The following TRIM67 variants were observed in gnomAD, a reference collection of about 807,000 sequenced individuals.
TRIM67 encodes tripartite motif containing 67, also known as tripartite motif-containing protein 67.
Under a neutral mutation model 71.0 loss-of-function variants are expected in TRIM67, and 39 were observed. The ratio of observed to expected loss-of-function variants is 0.55; its 90% confidence interval spans 0.43 to 0.72. The LOEUF is 0.72. Ranked by LOEUF, TRIM67 falls within the 30% of genes least tolerant of loss-of-function variation. TRIM67 has a pLI of 0.00. For missense variants in TRIM67, 973 were observed against 1,079.2 expected (o/e 0.90, Z 1.38); for synonymous variants, 481 against 473.9 (o/e 1.01, Z -0.19).
chr1:231,188,975 G>A (rs1683160585), intron 1 of TRIM67, among the ~76,000 whole-genome samples: 1 of 152,144 alleles, frequency 6.6e-6, no homozygotes, highest in African/African-American at 2.4e-5. Flanking sequence ...TCAGCGGGTG[G>A]ATCTGTGTCT....
intron 4 of TRIM67, among the ~76,000 whole-genome samples, chr1:231,200,701 A>T (rs1032245309): frequency 6.6e-6 from 1 of 152,208 alleles, no homozygotes; most frequent in Non-Finnish European, 1.5e-5. Context: ...ACTCAGGGTC[A>T]TGAGTATCTC....
intron 1 of TRIM67, among the ~76,000 whole-genome samples, chr1:231,172,323 G>A (rs929325596): frequency 7.9e-5 from 12 of 152,330 alleles, no homozygotes; most frequent in Non-Finnish European, 1.8e-4. Context: ...CAACTGGAAT[G>A]GGGCAGCAGG....
In TRIM67 at chr1:231,186,373, A is replaced by T. The variant is rs150544914; in HGVS notation, c.1045-10998A>T. On this transcript the variant is annotated intron_variant, in intron 1 of 9. Transcript: ENST00000366653. Reference sequence around the variant, plus strand: ...TTTTAGTCCCTCTGTATTCTTTGCTAGGGTTGCCAGAGCAAAGTACCACAA... The same window carrying T: ...TTTTAGTCCCTCTGTATTCTTTGCTTGGGTTGCCAGAGCAAAGTACCACAA... Among the ~76,000 whole-genome samples, 122 of 152,292 alleles carry T rather than the reference A, an allele frequency of 8.0e-4. 1 individual carries two copies. The highest frequency in any genetic ancestry group is 2.6e-3 in the African/African-American group (109 of 41,572).
In TRIM67 at chr1:231,201,368, C is replaced by T; in HGVS notation, c.1385C>T (p.Ala462Val). 1.2e-6 allele frequency: 2 copies of T among 1,612,970 alleles called. No individual in the cohort carries two copies. Among genetic ancestry groups the T allele is most frequent in the Non-Finnish European group, 1.7e-6 (2 of 1,179,496 alleles). The stretch of plus-strand genomic sequence containing the variant: ...TTGCTCCCCTTTAAGATCTCAGATG[C>T]TCTGATCAAGCGCGTCCAGGTGTCT... ...DPSGFLQISDALIKRVQVSQE... is the reference protein window; with the variant it reads ...DPSGFLQISDVLIKRVQVSQE... The change falls in exon 5 of 10, where the codon GCT (alanine) becomes GTT (valine). Residue 462 changes from alanine to valine, a missense_variant. Ala to Val is a moderately conservative substitution (Grantham distance 64). Coordinates refer to ENST00000366653, the MANE Select transcript of TRIM67 (RefSeq NM_001004342.5).
Position 231,220,592 on chromosome 1 carries a change from A to T in TRIM67, c.*5152A>T, listed in dbSNP as rs771650421. ...GCACGAAGAGATGCAACTGAGCCGA[A>T]GTTTTGAAGGCTGGTTGGGCTAGTG... is the stretch of plus-strand genomic sequence containing the variant. On this transcript the variant is annotated 3_prime_UTR_variant, in exon 10 of 10. Coordinates refer to ENST00000366653, the MANE Select transcript of TRIM67 (RefSeq NM_001004342.5). 7 of 152,318 alleles carry T rather than the reference A, an allele frequency of 4.6e-5. No homozygotes were observed. Among genetic ancestry groups the T allele is most frequent in the Non-Finnish European group, 1.0e-4 (7 of 68,130 alleles). The allele number at this position is 152,318 out of a possible 1,614,324, so 9.4% of individuals were successfully genotyped here.
intron 1 of TRIM67, among the ~76,000 whole-genome samples, chr1:231,183,644 CT>C (rs373315685): frequency 1.1e-4 from 16 of 152,060 alleles, no homozygotes; most frequent in African/African-American, 3.6e-4. Flanking sequence ...AAAAATATTG[CT>C]TTTTTCTTGA....
chr1:231,203,742 C>A, intron 5 of TRIM67, 125 bp from the exon 6 acceptor site: 1 of 1,281,718 alleles, frequency 7.8e-7, no homozygotes, highest in Non-Finnish European at 1.1e-6. Context: ...TACAGGGTGG[C>A]CAGGGAGGGA....
intron 1 of TRIM67, among the ~76,000 whole-genome samples, chr1:231,196,117 G>C (rs1420330764): frequency 6.6e-6 from 1 of 152,172 alleles, no homozygotes; most frequent in Non-Finnish European, 1.5e-5. Flanking sequence ...GGTGACGACT[G>C]TTAGGAGGAA....
chr1:231,206,618 G>C (rs1215744537), intron 6 of TRIM67, 34 bp from the exon 7 acceptor site: 2 of 1,526,454 alleles, frequency 1.3e-6, no homozygotes, highest in Non-Finnish European at 1.8e-6. Context: ...CCAAATGCTA[G>C]AGGAGCCTGG....
intron 1 of TRIM67, 139 bp from the exon 2 acceptor site, chr1:231,197,232 G>A (rs1440506016): frequency 1.6e-6 from 1 of 640,562 alleles, no homozygotes; most frequent in Non-Finnish European, 2.7e-6. Context: ...GTCAGTGGTG[G>A]TCCCTTCATC....
At chr1:231,193,326 A>G (rs1188911456) in intron 1 of TRIM67, among the ~76,000 whole-genome samples, 1 of 152,192 alleles carries the variant, frequency 6.6e-6, no homozygotes, top group Non-Finnish European at 1.5e-5. Context: ...GGGAGGTGCT[A>G]TGAACTGAAT....
chr1:231,200,677 C>G (rs578020942), intron 4 of TRIM67, among the ~76,000 whole-genome samples: 49 of 152,298 alleles, frequency 3.2e-4, no homozygotes, highest in Admixed American at 5.9e-4. Context: ...GCCATCTCTC[C>G]TGCATTCAGG....
chr1:231,201,382 G>A lies in TRIM67; in HGVS notation c.1399G>A (p.Val467Ile), dbSNP rs530421369. 71 of 1,613,254 alleles carry A rather than the reference G, an allele frequency of 4.4e-5. No individual in the cohort carries two copies. Among genetic ancestry groups the A allele is most frequent in the Middle Eastern group, 1.6e-4 (1 of 6,062 alleles). ...LQISDALIKR[V>I]QVSQEQWVKG... The stretch of plus-strand genomic sequence containing the variant: ...GATCTCAGATGCTCTGATCAAGCGC[G>A]TCCAGGTGTCTCAGGAGCAGTGGGT... The change falls in exon 5 of 10, where the codon GTC (valine) becomes ATC (isoleucine). Residue 467 changes from valine to isoleucine, a missense_variant. This residue lies in a region of TRIM67 where 795 missense variants were observed against 831.3 expected (regional missense o/e 0.96). Transcript: ENST00000366653.
chr1:231,199,212 C>T (rs780414955), intron 3 of TRIM67, 43 bp downstream of exon 3: 1 of 1,596,736 alleles, frequency 6.3e-7, no homozygotes, highest in Non-Finnish European at 8.6e-7. Context: ...CTGCCACATC[C>T]TCTGCACCCA....
At chr1:231,195,224 T>C (rs1474867009) in intron 1 of TRIM67, among the ~76,000 whole-genome samples, 1 of 152,106 alleles carries the variant, frequency 6.6e-6, no homozygotes, top group East Asian at 1.9e-4. Flanking sequence ...ATCAGATGGG[T>C]GTCAAACCTG....
intron 1 of TRIM67, chr1:231,184,969 C>T: frequency 6.7e-7 from 1 of 1,486,324 alleles, no homozygotes; most frequent in Non-Finnish European, 9.0e-7. Context: ...GCTGGATAAA[C>T]ACCCAGCAGT....
intron 1 of TRIM67, chr1:231,185,165 T>C: frequency 6.5e-7 from 1 of 1,532,928 alleles, no homozygotes; most frequent in South Asian, 1.2e-5. Context: ...CCAGCCAGCC[T>C]GTACTCCACG....
chr1:231,220,074 G>A lies in TRIM67; in HGVS notation c.*4634G>A. ...ACCTACCTCCTCTGATGTATTGTGA[G>A]GATTATACAATAACATTTTTAAAGA... On this transcript the variant is annotated 3_prime_UTR_variant, in exon 10 of 10. Transcript: ENST00000366653. 1 of 719,732 alleles carries A rather than the reference G, an allele frequency of 1.4e-6. No individual in the cohort carries two copies. The highest frequency in any genetic ancestry group is 1.5e-5 in the South Asian group (1 of 65,474). The allele number at this position is 719,732 out of a possible 1,614,324, so 44.6% of individuals were successfully genotyped here.
In TRIM67 at chr1:231,208,980, A is replaced by T; in HGVS notation, c.1853A>T (p.His618Leu). The T allele has an allele frequency of 6.2e-7, 1 of 1,603,400 alleles. No individual in the cohort carries two copies. The highest frequency in any genetic ancestry group is 2.2e-5 in the East Asian group (1 of 44,566). ...TTCACATTTGACCCCAACTCTGGGC[A>T]TCGGGACATCATTTTATCCAATGAC... ...AWFTFDPNSG[H>L]RDIILSNDNQ... is the part of the protein sequence containing the mutation. Residue 618 changes from histidine to leucine, a missense_variant, in exon 8 of 10, where the codon CAT becomes CTT. By Grantham distance (99) the His-to-Leu change is moderately conservative (BLOSUM62 -3). Around this residue, in one of 2 missense-constraint regions of TRIM67, gnomAD observed 178 missense variants for 247.9 expected, o/e 0.72. Transcript: ENST00000366653.
Sources: allele counts gnomAD v4.1 joint callset (sites outside exome capture counted in the v4.1 genomes callset), GRCh38; gene constraint gnomAD v4.1.1; regional missense constraint gnomAD v4.1.1; transcripts MANE v1.5; gene names NCBI Gene and HGNC (gene_info 2026-07-23, HGNC 2026-07-21).